SAXO1: variants seen among roughly 807,000 people sequenced by gnomAD.
SAXO1 encodes the protein 4930500O09Rik.
A neutral mutation model predicts 17.5 loss-of-function variants in SAXO1; 21 were observed. That is an observed-to-expected ratio of 1.20 (90% CI 0.85 to 1.72). The LOEUF (loss-of-function observed/expected upper bound fraction) is 1.72, where lower values mean the gene tolerates loss of function less well. SAXO1 is among the 40% of genes most tolerant of loss of function. The pLI is 0.00. For missense variants in SAXO1, 843 were observed against 596.0 expected (o/e 1.41, Z -4.32); for synonymous variants, 274 against 216.5 (o/e 1.27, Z -2.33).
At chr9:18,984,959 C>T (rs931583735) in intron 1 of SAXO1, among the ~76,000 whole-genome samples, 1 of 152,146 alleles carries the variant, frequency 6.6e-6, no homozygotes, top group Non-Finnish European at 1.5e-5. Context: ...CTTCCTTTCA[C>T]ATAAGCACTT....
At chr9:19,046,813 C>G (rs1836228488) in intron 1 of SAXO1, among the ~76,000 whole-genome samples, 2 of 152,132 alleles carry the variant, frequency 1.3e-5, no homozygotes, top group African/African-American at 4.8e-5. Context: ...CTGCAGTGAG[C>G]TATGATCTCA....
chr9:19,024,953 A>G (rs1254428702), intron 1 of SAXO1, among the ~76,000 whole-genome samples: 2 of 152,232 alleles, frequency 1.3e-5, no homozygotes, highest in South Asian at 4.1e-4. Context: ...TCTGCAGACT[A>G]TAAGGTCGAA....
chr9:18,936,736 C>G (rs1831309708), intron 3 of SAXO1, among the ~76,000 whole-genome samples: 1 of 152,152 alleles, frequency 6.6e-6, no homozygotes. Flanking sequence ...AAAAGGGATT[C>G]CATTCAATAA....
intron 1 of SAXO1, chr9:19,028,162 G>A (rs948210716): frequency 1.1e-5 from 16 of 1,441,870 alleles, no homozygotes; most frequent in Admixed American, 5.2e-5. Flanking sequence ...CCGGACTCGC[G>A]GCTGAAGTGC....
intron 1 of SAXO1, among the ~76,000 whole-genome samples, chr9:18,968,566 G>C (rs943239611): frequency 1.3e-5 from 2 of 150,726 alleles, no homozygotes; most frequent in African/African-American, 2.4e-5. Context: ...GATAGATAGT[G>C]GCATCATGGT....
At chr9:18,936,679 C>A (rs1392035486) in intron 3 of SAXO1, among the ~76,000 whole-genome samples, 1 of 152,190 alleles carries the variant, frequency 6.6e-6, no homozygotes, top group Non-Finnish European at 1.5e-5. Flanking sequence ...GCCAGTAAAG[C>A]CCTTCAGGGC....
chr9:19,017,417 G>A (rs1047360376), intron 1 of SAXO1, among the ~76,000 whole-genome samples: 2 of 152,114 alleles, frequency 1.3e-5, no homozygotes, highest in African/African-American at 4.8e-5. Flanking sequence ...TAAAAAACTG[G>A]GGTGACAGTG....
rs1563920247 is a variant in SAXO1 at position 18,928,114 on chromosome 9, T to G, written c.1363A>C (p.Ser455Arg). 2 of 1,613,990 alleles carry G rather than the reference T, an allele frequency of 1.2e-6. No homozygotes were observed. Among genetic ancestry groups the G allele is most frequent in the Non-Finnish European group, 1.7e-6 (2 of 1,179,940 alleles). The change falls in exon 4 of 4, where the codon AGC becomes CGC. Residue 455 changes from serine to arginine, a missense_variant. Ser to Arg is a moderately radical substitution (Grantham distance 110). Transcript: ENST00000380534. ...PVSQAGSQQS[S>R]HLSVDDSENP... is the part of the protein sequence containing the mutation. ...TCTGAATCATCTACAGAAAGATGGC[T>G]GCTCTGCTGAGAGCCTGCCTGGGAA...
At chr9:18,944,813 G>T (rs914528067) in intron 2 of SAXO1, among the ~76,000 whole-genome samples, 4 of 152,180 alleles carry the variant, frequency 2.6e-5, no homozygotes, top group Admixed American at 1.3e-4. Context: ...AGTGGGAAAT[G>T]AAGATTTTCA....
chr9:19,024,151 G>T (rs1264100840), intron 1 of SAXO1, among the ~76,000 whole-genome samples: 2 of 146,482 alleles, frequency 1.4e-5, no homozygotes, highest in African/African-American at 5.1e-5. Flanking sequence ...TCTGCAATTT[G>T]CCTCCAGCAA....
intron 1 of SAXO1, among the ~76,000 whole-genome samples, chr9:18,957,431 G>T (rs112503860): frequency 1.1e-3 from 167 of 152,192 alleles, no homozygotes; most frequent in African/African-American, 4.0e-3. Flanking sequence ...CAGCCTTCAC[G>T]CCAGGGCCCA....
chr9:18,985,691 C>A (rs1192095705), intron 1 of SAXO1, among the ~76,000 whole-genome samples: 1 of 152,208 alleles, frequency 6.6e-6, no homozygotes, highest in Non-Finnish European at 1.5e-5. Context: ...AGCCACCACT[C>A]CGACTCCCCT....
intron 1 of SAXO1, among the ~76,000 whole-genome samples, chr9:19,008,523 G>C (rs751850219): frequency 2.6e-5 from 4 of 152,188 alleles, no homozygotes; most frequent in Non-Finnish European, 5.9e-5. Context: ...AATTGAGGGT[G>C]AACAGGGGAG....
At chr9:19,027,775 G>C in intron 1 of SAXO1, 1 of 1,507,882 alleles carries the variant, frequency 6.6e-7, no homozygotes, top group Non-Finnish European at 9.1e-7. Flanking sequence ...TGGAGCTTCT[G>C]AACCAGCTGG....
chr9:19,027,077 G>C (rs902227743), intron 1 of SAXO1: 7 of 868,768 alleles, frequency 8.1e-6, no homozygotes, highest in African/African-American at 4.9e-5. Flanking sequence ...AGAACAGTGA[G>C]AAAATCAATG....
intron 1 of SAXO1, among the ~76,000 whole-genome samples, chr9:19,042,589 G>A (rs1484803584): frequency 3.3e-5 from 5 of 152,200 alleles, no homozygotes; most frequent in Non-Finnish European, 5.9e-5. Context: ...TGGGCCAGGT[G>A]CAGTGGCTCA....
intron 2 of SAXO1, among the ~76,000 whole-genome samples, chr9:18,949,589 T>C (rs1481317467): frequency 1.3e-5 from 2 of 152,192 alleles, no homozygotes; most frequent in Admixed American, 6.5e-5. Flanking sequence ...ATTTCTCCCA[T>C]TGTGGGTGCT....
chr9:18,934,704 C>T (rs1588401238), intron 3 of SAXO1, among the ~76,000 whole-genome samples: 3 of 152,172 alleles, frequency 2.0e-5, no homozygotes, highest in African/African-American at 7.2e-5. Flanking sequence ...CCCCACCATG[C>T]ATGGGTCATA....
At chr9:19,027,984 C>T in intron 1 of SAXO1, 2 of 1,574,232 alleles carry the variant, frequency 1.3e-6, no homozygotes, top group South Asian at 1.1e-5. Flanking sequence ...GCACAGATGA[C>T]TTCAACGGGG....
Sources: gnomAD v4.1 joint callset for allele counts (sites outside exome capture counted in the v4.1 genomes callset) on GRCh38, gnomAD v4.1.1 for gene constraint, MANE v1.5 for transcripts, NCBI Gene and HGNC (gene_info 2026-07-23, HGNC 2026-07-21) for gene names.